LARGE1: variants seen among roughly 807,000 people sequenced by gnomAD.
LARGE1 encodes LARGE xylosyl- and glucuronyltransferase 1, also known as xylosyl- and glucuronyltransferase LARGE1.
Under a neutral mutation model 87.6 loss-of-function variants are expected in LARGE1, and 43 were observed. The ratio of observed to expected loss-of-function variants is 0.49; its 90% CI spans 0.38 to 0.63. The LOEUF is 0.63. Among genes scored for constraint, LARGE1 ranks in the 30% least tolerant of loss-of-function variants. The pLI is 0.00. For missense variants in LARGE1, 802 were observed against 1,000.2 expected, an observed-to-expected ratio of 0.80 and a Z score of 2.67; for synonymous variants, 434 against 394.6, an observed-to-expected ratio of 1.10 and a Z score of -1.18.
chr22:33,803,385 G>C (rs76389523), intron 1 of LARGE1, among the ~76,000 whole-genome samples: 1 of 152,286 alleles, frequency 6.6e-6, no homozygotes, highest in African/African-American at 2.4e-5. Context: ...AGGCAAACTG[G>C]AGTTTTACAA....
At chr22:33,544,478 G>C (rs1003291091) in intron 6 of LARGE1, among the ~76,000 whole-genome samples, 13 of 152,152 alleles carry the variant, frequency 8.5e-5, no homozygotes, top group Admixed American at 6.5e-4. Context: ...CCTGAGGTAA[G>C]GAGTTTGAGA....
chr22:33,785,656 CAT>C (rs1183854604), intron 1 of LARGE1, among the ~76,000 whole-genome samples: 1 of 152,110 alleles, frequency 6.6e-6, no homozygotes, highest in Non-Finnish European at 1.5e-5. Flanking sequence ...GGAAAAAAAA[CAT>C]AATTTGTTCA....
intron 2 of LARGE1, among the ~76,000 whole-genome samples, chr22:33,750,050 G>A (rs1255830338): frequency 6.6e-6 from 1 of 152,102 alleles, no homozygotes; most frequent in Non-Finnish European, 1.5e-5. Context: ...GATAATATGT[G>A]TAAAATTCCT....
At chr22:33,894,426 G>A (rs2065081341) in intron 1 of LARGE1, among the ~76,000 whole-genome samples, 1 of 152,134 alleles carries the variant, frequency 6.6e-6, no homozygotes, top group African/African-American at 2.4e-5. Context: ...GGCTACCCCA[G>A]TTGCAACCTT....
At chr22:33,852,200 A>G (rs1462562495) in intron 1 of LARGE1, among the ~76,000 whole-genome samples, 1 of 152,178 alleles carries the variant, frequency 6.6e-6, no homozygotes, top group Non-Finnish European at 1.5e-5. Context: ...CTTTTTAAAA[A>G]TAAGACTCAT....
chr22:33,539,225 T>C (rs1038290588), intron 6 of LARGE1, among the ~76,000 whole-genome samples: 2 of 150,100 alleles, frequency 1.3e-5, no homozygotes, highest in African/African-American at 2.5e-5. Flanking sequence ...CTGCACTTCA[T>C]AGATTCTTTG....
At chr22:33,790,809 A>C (rs1401689844) in intron 1 of LARGE1, among the ~76,000 whole-genome samples, 2 of 152,242 alleles carry the variant, frequency 1.3e-5, no homozygotes, top group African/African-American at 4.8e-5. Context: ...AAAATATAAG[A>C]TATAACTGAC....
chr22:33,273,473 C>T lies in LARGE1; in HGVS notation c.*954G>A. 1 of 398,622 alleles carries T rather than the reference C, an allele frequency of 2.5e-6. No homozygotes were observed. 24.7% of individuals were successfully genotyped at this position (398,622 alleles called of 1,614,324 possible). A position where few individuals can be genotyped will look rare whatever the true frequency, so the allele number is the denominator to read the frequency against. ...CTGAGAGGTTCGTACCTTGTGTGTG[C>T]ACTGAAGTAGTTCCTTCAAAGCCCT... is the stretch of plus-strand genomic sequence containing the variant. On this transcript the variant is annotated 3_prime_UTR_variant, in exon 15 of 15. Coordinates refer to ENST00000397394, the MANE Select transcript of LARGE1 (RefSeq NM_133642.5).
At chr22:33,621,135 T>C (rs1189937022) in intron 4 of LARGE1, among the ~76,000 whole-genome samples, 1 of 152,252 alleles carries the variant, frequency 6.6e-6, no homozygotes, top group African/African-American at 2.4e-5. Flanking sequence ...CTTCATGGTA[T>C]GCCATACTTT....
the LARGE1 span, among the ~76,000 whole-genome samples, chr22:33,087,194 T>C: frequency 6.6e-6 from 1 of 152,010 alleles, no homozygotes; most frequent in African/African-American, 2.4e-5. Context: ...ATTCTAATCA[T>C]AGTATTAATT....
intron 5 of LARGE1, chr22:33,572,325 G>A: frequency 2.1e-6 from 1 of 484,818 alleles, no homozygotes; most frequent in Non-Finnish European, 3.2e-6. Flanking sequence ...ACAGAAGTGG[G>A]GCGGGGCTTG....
At chr22:33,756,916 G>A (rs893084403) in intron 2 of LARGE1, among the ~76,000 whole-genome samples, 1 of 152,318 alleles carries the variant, frequency 6.6e-6, no homozygotes, top group East Asian at 1.9e-4. Flanking sequence ...GAGACACGGA[G>A]TGAATGAAGG....
the LARGE1 span, among the ~76,000 whole-genome samples, chr22:33,140,879 A>G: frequency 6.6e-6 from 1 of 152,162 alleles, no homozygotes; most frequent in East Asian, 1.9e-4. Context: ...ACTCCCTTTC[A>G]TATATACATC....
intron 6 of LARGE1, among the ~76,000 whole-genome samples, chr22:33,476,980 A>T (rs2069109847): frequency 6.6e-6 from 1 of 152,114 alleles, no homozygotes. Flanking sequence ...GACAGTGGGG[A>T]GCCTTCTGAG....
At chr22:33,536,132 T>C (rs2077036554) in intron 6 of LARGE1, among the ~76,000 whole-genome samples, 2 of 152,074 alleles carry the variant, frequency 1.3e-5, no homozygotes, top group Non-Finnish European at 2.9e-5. Context: ...CCAAAATAAT[T>C]TGGGTCATTT....
chr22:33,707,376 T>A (rs2082593644), intron 2 of LARGE1, among the ~76,000 whole-genome samples: 1 of 152,244 alleles, frequency 6.6e-6, no homozygotes, highest in Non-Finnish European at 1.5e-5. Flanking sequence ...ATAAAATCAA[T>A]GTTAGCTTGC....
At chr22:33,675,195 A>G (rs13057274) in intron 2 of LARGE1, among the ~76,000 whole-genome samples, 78,863 of 150,322 alleles carry the variant, frequency 0.52, 21,203 homozygotes, top group African/African-American at 0.65. Context: ...TCAGGAGGCT[A>G]AGGCAGCAGA....
intron 6 of LARGE1, among the ~76,000 whole-genome samples, chr22:33,508,276 C>A (rs947452099): frequency 1.3e-5 from 2 of 152,156 alleles, no homozygotes; most frequent in Non-Finnish European, 2.9e-5. Context: ...GGGCAAGGCA[C>A]AGGGGCCACT....
chr22:33,128,685 A>C, the LARGE1 span, among the ~76,000 whole-genome samples: 756 of 95,624 alleles, frequency 7.9e-3, 2 homozygotes, highest in South Asian at 0.02. Context: ...AAAAACAAAA[A>C]AAAAAAAAAA....
Sources: gnomAD v4.1 joint callset for allele counts (sites outside exome capture counted in the v4.1 genomes callset) on GRCh38, gnomAD v4.1.1 for gene constraint, MANE v1.5 for transcripts, NCBI Gene and HGNC (gene_info 2026-07-23, HGNC 2026-07-21) for gene names.